Variants in LRRTM4 observed in about 807,000 individuals in gnomAD.
LRRTM4 encodes the protein leucine-rich repeat transmembrane neuronal protein 4.
In LRRTM4, 25 loss-of-function variants were observed where a neutral mutation model predicts 47.6. The ratio of observed to expected loss-of-function variants is 0.53; its 90% CI spans 0.38 to 0.73. The LOEUF is 0.73. LRRTM4 is among the 30% of genes least tolerant of loss of function. LRRTM4 has a pLI of 0.00. For synonymous variants in LRRTM4, 311 were observed against 269.5 expected (o/e 1.15, Z -1.51); for missense variants, 638 against 713.4 (o/e 0.89, Z 1.20).
At chr2:76,874,087 A>G (rs1235659239) in intron 3 of LRRTM4, among the ~76,000 whole-genome samples, 1 of 151,722 alleles carries the variant, frequency 6.6e-6, no homozygotes, top group Non-Finnish European at 1.5e-5. Context: ...GAAAATTCAG[A>G]TCACACGGTA....
At chr2:77,057,784 T>A (rs981254602) in intron 3 of LRRTM4, among the ~76,000 whole-genome samples, 1 of 152,126 alleles carries the variant, frequency 6.6e-6, no homozygotes, top group Admixed American at 6.6e-5. Context: ...AATACATACA[T>A]ACCTACAAAC....
intron 3 of LRRTM4, among the ~76,000 whole-genome samples, chr2:76,900,805 A>C (rs139627596): frequency 1.3e-5 from 2 of 152,192 alleles, no homozygotes; most frequent in South Asian, 2.1e-4. Context: ...TTATGGGAAA[A>C]TGTTCACAAT....
chr2:77,417,771 GA>G lies in LRRTM4; in HGVS notation c.1551+100546del, dbSNP rs375264619. On this transcript the variant is annotated intron_variant, in intron 3 of 3. Coordinates refer to ENST00000409884, the MANE Select transcript of LRRTM4 (RefSeq NM_001134745.3). ...CACACTGGGGCCTGTTGTTGGGGGG[GA>G]AGGGGGGAGGAATAGCATTTTGAGA... Among the ~76,000 whole-genome samples the G allele has an allele frequency of 7.8e-4, 114 of 146,792 alleles. 1 individual carries two copies. In the Middle Eastern group the frequency reaches 0.01, roughly 14 times the overall value.
chr2:77,367,364 A>G (rs548634578), intron 3 of LRRTM4, among the ~76,000 whole-genome samples: 3 of 151,878 alleles, frequency 2.0e-5, no homozygotes, highest in African/African-American at 7.2e-5. Flanking sequence ...TTACAACACC[A>G]GCTATTATCT....
chr2:77,029,552 C>T (rs545839053), intron 3 of LRRTM4, among the ~76,000 whole-genome samples: 6 of 152,260 alleles, frequency 3.9e-5, no homozygotes, highest in South Asian at 4.1e-4. Flanking sequence ...CTGCTTTATT[C>T]TAGCCACACT....
At chr2:77,111,594 T>C (rs1671251292) in intron 3 of LRRTM4, among the ~76,000 whole-genome samples, 1 of 152,150 alleles carries the variant, frequency 6.6e-6, no homozygotes, top group Non-Finnish European at 1.5e-5. Context: ...TGTGCTGTCC[T>C]ACCCCATCCT....
intron 3 of LRRTM4, among the ~76,000 whole-genome samples, chr2:76,897,133 G>A (rs139886683): frequency 3.5e-4 from 53 of 152,128 alleles, no homozygotes; most frequent in African/African-American, 1.1e-3. Flanking sequence ...AGCAATACAC[G>A]TACTCTGAGA....
At chr2:77,407,719 TA>T (rs527993660) in intron 3 of LRRTM4, among the ~76,000 whole-genome samples, 12,791 of 138,968 alleles carry the variant, frequency 0.092, 930 homozygotes, top group African/African-American at 0.2. Context: ...TATCATATAT[TA>T]TATTATATAT....
chr2:77,271,648 T>A (rs984118864), intron 3 of LRRTM4, among the ~76,000 whole-genome samples: 4 of 152,274 alleles, frequency 2.6e-5, no homozygotes, highest in African/African-American at 9.6e-5. Context: ...TCCTAAAGGG[T>A]CTTTCTGACT....
intron 3 of LRRTM4, among the ~76,000 whole-genome samples, chr2:77,505,825 A>G (rs1421876141): frequency 1.3e-5 from 2 of 151,620 alleles, no homozygotes; most frequent in African/African-American, 4.8e-5. Context: ...AATGATATAA[A>G]TCGAGCTCTA....
At chr2:77,200,156 G>A (rs1046905937) in intron 3 of LRRTM4, among the ~76,000 whole-genome samples, 1 of 151,894 alleles carries the variant, frequency 6.6e-6, no homozygotes, top group Admixed American at 6.6e-5. Context: ...CTTTTATTAG[G>A]CATCTCTTGT....
At position 77,518,336 on chromosome 2, in the gene LRRTM4, A is replaced by G; in HGVS notation, c.1533T>C (p.Ser511=). Residue 511 remains serine, a synonymous_variant, in exon 3 of 4, where the codon TCT becomes TCC. Coordinates refer to ENST00000409884, the MANE Select transcript of LRRTM4 (RefSeq NM_001134745.3). ...NGSGPCTYTI[S]GSRECEMPHH... The stretch of plus-strand genomic sequence containing the variant: ...TTCATACCTCACATTCCCTGGAGCC[A>G]GAGATGGTATATGTGCAGGGCCCAG... 1 of 1,608,556 alleles carries G rather than the reference A, an allele frequency of 6.2e-7. No homozygotes were observed.
chr2:76,874,038 C>T (rs1441420844), intron 3 of LRRTM4, among the ~76,000 whole-genome samples: 1 of 151,792 alleles, frequency 6.6e-6, no homozygotes, highest in South Asian at 2.1e-4. Flanking sequence ...CATTTACTCC[C>T]CCCAGAGCTT....
chr2:77,407,718 TTATATTATATATTA>T (rs199895931), intron 3 of LRRTM4, among the ~76,000 whole-genome samples: 1 of 140,042 alleles, frequency 7.1e-6, no homozygotes. Context: ...ATATCATATA[TTATATTATATATTA>T]TATATTATAT....
intron 3 of LRRTM4, among the ~76,000 whole-genome samples, chr2:76,973,071 G>A (rs1037873757): frequency 6.6e-6 from 1 of 151,930 alleles, no homozygotes; most frequent in African/African-American, 2.4e-5. Context: ...AGCATGTTTT[G>A]ACTTGTTGAG....
intron 3 of LRRTM4, among the ~76,000 whole-genome samples, chr2:77,261,060 A>G (rs1675906556): frequency 6.6e-6 from 1 of 152,058 alleles, no homozygotes; most frequent in South Asian, 2.1e-4. Context: ...ATAGGTGAAA[A>G]ATTGAGATCT....
At chr2:76,897,639 A>T (rs993964567) in intron 3 of LRRTM4, among the ~76,000 whole-genome samples, 6 of 152,172 alleles carry the variant, frequency 3.9e-5, no homozygotes, top group African/African-American at 1.2e-4. Context: ...TGCCTATATC[A>T]AGTTGCAATT....
chr2:76,902,518 G>A (rs189642502), intron 3 of LRRTM4, among the ~76,000 whole-genome samples: 18 of 152,264 alleles, frequency 1.2e-4, no homozygotes, highest in Non-Finnish European at 5.9e-5. Context: ...TGATGACCTT[G>A]ATGATGGATC....
chr2:77,213,205 C>T (rs1349481150), intron 3 of LRRTM4, among the ~76,000 whole-genome samples: 1 of 152,052 alleles, frequency 6.6e-6, no homozygotes, highest in African/African-American at 2.4e-5. Context: ...TTTTAAATAC[C>T]ATCAGCATGT....
Sources: gnomAD v4.1 joint callset for allele counts (sites outside exome capture counted in the v4.1 genomes callset) on GRCh38, gnomAD v4.1.1 for gene constraint, MANE v1.5 for transcripts, NCBI Gene and HGNC (gene_info 2026-07-23, HGNC 2026-07-21) for gene names.